The following SGCD variants were observed in gnomAD, a reference collection of about 807,000 sequenced individuals.
SGCD encodes delta-sarcoglycan.
A neutral mutation model predicts 36.6 loss-of-function variants in SGCD; 18 were observed. The observed-to-expected ratio is 0.49, with a 90% CI of 0.34 to 0.73. SGCD has a LOEUF of 0.73. SGCD is among the 30% of genes least tolerant of loss of function. The probability of loss-of-function intolerance (pLI) is 0.01; values close to 1 mark genes in which losing one functional copy is unlikely to be tolerated. For synonymous variants in SGCD, 133 were observed against 130.6 expected, an observed-to-expected ratio of 1.02 and a Z score of -0.12; for missense variants, 387 against 346.7, an observed-to-expected ratio of 1.12 and a Z score of -0.92.
At chr5:156,002,375 A>G (rs975930389) in intron 1 of SGCD, among the ~76,000 whole-genome samples, 1 of 152,200 alleles carries the variant, frequency 6.6e-6, no homozygotes, top group Non-Finnish European at 1.5e-5. Flanking sequence ...TTGTGAGAAA[A>G]TAACAACTTT....
intron 4 of SGCD, among the ~76,000 whole-genome samples, chr5:156,544,224 T>C (rs1241556063): frequency 1.3e-5 from 2 of 152,208 alleles, no homozygotes; most frequent in Non-Finnish European, 2.9e-5. Context: ...AAATTTTGAA[T>C]AGCATACGAT....
At chr5:155,813,709 A>T in the SGCD span, among the ~76,000 whole-genome samples, 1 of 152,162 alleles carries the variant, frequency 6.6e-6, no homozygotes. Context: ...CTGCACAGAG[A>T]TTCTGCCTTG....
intron 6 of SGCD, among the ~76,000 whole-genome samples, chr5:156,627,952 G>T (rs1762494916): frequency 6.6e-6 from 1 of 152,122 alleles, no homozygotes; most frequent in Non-Finnish European, 1.5e-5. Flanking sequence ...AGAAATACCT[G>T]AGACTGGGTA....
intron 4 of SGCD, among the ~76,000 whole-genome samples, chr5:156,567,377 A>G (rs5004813): frequency 8.3e-5 from 11 of 131,858 alleles, no homozygotes; most frequent in East Asian, 2.3e-4. Flanking sequence ...TGGATAGATA[A>G]ATAGATAGAT....
the SGCD span, among the ~76,000 whole-genome samples, chr5:155,771,742 G>C: frequency 6.6e-6 from 1 of 151,638 alleles, no homozygotes; most frequent in Non-Finnish European, 1.5e-5. Flanking sequence ...TATACAGATG[G>C]GGTCTCCCTA....
intron 1 of SGCD, among the ~76,000 whole-genome samples, chr5:156,096,081 G>A (rs966814340): frequency 3.3e-5 from 5 of 152,194 alleles, no homozygotes; most frequent in Non-Finnish European, 7.3e-5. Flanking sequence ...CCCAAGACAA[G>A]ACAAGAATAT....
chr5:155,880,481 C>T (rs1395029283), intron 1 of SGCD, among the ~76,000 whole-genome samples: 1 of 152,130 alleles, frequency 6.6e-6, no homozygotes, highest in Non-Finnish European at 1.5e-5. Context: ...TGAAAATTCA[C>T]TTGGATACTT....
the SGCD span, among the ~76,000 whole-genome samples, chr5:155,806,003 G>A: frequency 6.6e-6 from 1 of 152,204 alleles, no homozygotes; most frequent in African/African-American, 2.4e-5. Context: ...GAGGAGGTCA[G>A]CATACCTAGC....
upstream of SGCD, among the ~76,000 whole-genome samples, chr5:156,323,599 T>C (rs754840031): frequency 3.9e-5 from 6 of 152,232 alleles, no homozygotes; most frequent in Admixed American, 6.5e-5. Flanking sequence ...ATGGAGCTTA[T>C]ATTCAAGTGA....
At chr5:156,361,625 T>C (rs1056748557) in intron 3 of SGCD, among the ~76,000 whole-genome samples, 6 of 152,240 alleles carry the variant, frequency 3.9e-5, no homozygotes, top group African/African-American at 1.4e-4. Flanking sequence ...CACAGAGTCA[T>C]AAGCTCATGT....
intron 4 of SGCD, among the ~76,000 whole-genome samples, chr5:156,524,094 CTATATATATATATATATATATATATA>C (rs60414987): frequency 0.026 from 1,045 of 40,554 alleles, 38 homozygotes; most frequent in Middle Eastern, 0.069. Flanking sequence ...TGAGGTCTTA[CTATATATATATATATATATATATATA>C]TATATATATA....
At chr5:156,267,181 T>TA (rs992520543) in intron 3 of SGCD, among the ~76,000 whole-genome samples, 1 of 152,192 alleles carries the variant, frequency 6.6e-6, no homozygotes, top group African/African-American at 2.4e-5. Context: ...ATTGAGTGCT[T>TA]AGCATTAGTT....
intron 1 of SGCD, among the ~76,000 whole-genome samples, chr5:156,003,851 A>T (rs1053653402): frequency 6.6e-6 from 1 of 152,116 alleles, no homozygotes; most frequent in African/African-American, 2.4e-5. Context: ...GCTACTGATG[A>T]CCCCACAAGC....
the SGCD span, among the ~76,000 whole-genome samples, chr5:155,741,667 TTTTG>T: frequency 6.6e-6 from 1 of 150,654 alleles, no homozygotes; most frequent in Non-Finnish European, 1.5e-5. Context: ...GTAGGTTTCT[TTTTG>T]TTTTTCTTTT....
intron 3 of SGCD, among the ~76,000 whole-genome samples, chr5:156,284,947 T>C (rs1766554413): frequency 6.6e-6 from 1 of 152,116 alleles, no homozygotes; most frequent in African/African-American, 2.4e-5. Context: ...CCAAAATCTC[T>C]TTAAGCTGAT....
At chr5:156,607,155 C>A (rs568782854) in intron 6 of SGCD, among the ~76,000 whole-genome samples, 7 of 152,200 alleles carry the variant, frequency 4.6e-5, no homozygotes, top group Admixed American at 3.3e-4. Flanking sequence ...CAGTTTTTGC[C>A]CATTCAGTAT....
Position 156,344,504 on chromosome 5 carries a change from T to C in SGCD, c.19T>C (p.Tyr7His), listed in dbSNP as rs1561633494. 3 of 1,603,552 alleles carry C rather than the reference T, an allele frequency of 1.9e-6. No homozygotes were observed. The highest frequency in any genetic ancestry group is 2.6e-6 in the Non-Finnish European group (3 of 1,175,610). Residue 7 changes from tyrosine (Y) to histidine (H), a missense_variant, in exon 3 of 9, where the codon TAC (tyrosine) becomes CAC (histidine). Coordinates refer to ENST00000337851, the MANE Select transcript of SGCD (RefSeq NM_000337.6). ...TTTATTTCAGATGCCTCAGGAGCAGTACACTCACCACCGGAGCACCATGCC... is the reference window on the plus strand; with the variant it reads ...TTTATTTCAGATGCCTCAGGAGCAGCACACTCACCACCGGAGCACCATGCC... MMPQEQYTHHRSTMPGS... is the reference protein window; with the variant it reads MMPQEQHTHHRSTMPGS...
intron 3 of SGCD, among the ~76,000 whole-genome samples, chr5:156,502,969 G>T (rs1756521242): frequency 6.6e-6 from 1 of 152,184 alleles, no homozygotes; most frequent in Non-Finnish European, 1.5e-5. Flanking sequence ...GGCAGACCGA[G>T]AGACAGGGAA....
At chr5:155,938,572 C>T (rs1419185971) in intron 1 of SGCD, among the ~76,000 whole-genome samples, 2 of 152,106 alleles carry the variant, frequency 1.3e-5, no homozygotes, top group Non-Finnish European at 2.9e-5. Flanking sequence ...TAGGAATGTT[C>T]TTAATTGGGC....
Sources: gnomAD v4.1 joint callset for allele counts (sites outside exome capture counted in the v4.1 genomes callset) on GRCh38, gnomAD v4.1.1 for gene constraint, MANE v1.5 for transcripts, NCBI Gene and HGNC (gene_info 2026-07-23, HGNC 2026-07-21) for gene names.